Variants in SYN2 observed in about 807,000 individuals in gnomAD.
SYN2 encodes synapsin II.
Under a neutral mutation model 50.9 loss-of-function variants are expected in SYN2, and 19 were observed. The observed-to-expected ratio is 0.37, with a 90% confidence interval of 0.26 to 0.55. The LOEUF (loss-of-function observed/expected upper bound fraction) is 0.55, where lower values mean the gene tolerates loss of function less well. Ranked by LOEUF, SYN2 falls within the 20% of genes least tolerant of loss-of-function variation. SYN2 has a pLI of 0.81. For synonymous variants in SYN2, 255 were observed against 224.9 expected, an observed-to-expected ratio of 1.13 and a Z score of -1.20; for missense variants, 587 against 576.4, an observed-to-expected ratio of 1.02 and a Z score of -0.19.
chr3:12,104,570 C>CTTTTTTTTT lies in SYN2; in HGVS notation c.378-36067_378-36059dup, dbSNP rs796837275. ...ATGTGAAACATTTTTCTTTTCTTTTCTTTTTTTTTTTTTTTTTTTTTTGAG... is the reference window on the plus strand; with the variant it reads ...ATGTGAAACATTTTTCTTTTCTTTTCTTTTTTTTTTTTTTTTTTTTTTTTTTTTTTTGAG... On this transcript the variant is annotated intron_variant, in intron 1 of 12. Coordinates refer to ENST00000621198, the MANE Select transcript of SYN2 (RefSeq NM_133625.6). Among the ~76,000 whole-genome samples the CTTTTTTTTT allele has an allele frequency of 4.5e-4, 37 of 81,720 alleles. 1 individual carries two copies. The highest frequency in any genetic ancestry group is 5.7e-4 in the Non-Finnish European group (27 of 47,454). The allele number at this position is 81,720 out of a possible 152,430, so 53.6% of individuals were successfully genotyped here.
intron 5 of SYN2, among the ~76,000 whole-genome samples, chr3:12,157,227 A>G (rs1697484952): frequency 6.6e-6 from 1 of 152,128 alleles, no homozygotes; most frequent in African/African-American, 2.4e-5. Context: ...CTGGGATTCT[A>G]TGGGCTCTGC....
intron 9 of SYN2, among the ~76,000 whole-genome samples, chr3:12,169,025 A>G (rs1458770825): frequency 6.6e-6 from 1 of 152,162 alleles, no homozygotes; most frequent in African/African-American, 2.4e-5. Context: ...CCTTACTAGG[A>G]GTTGGTGGTA....
At chr3:12,158,792 G>T in intron 5 of SYN2, 1 of 1,603,418 alleles carries the variant, frequency 6.2e-7, no homozygotes, top group Non-Finnish European at 8.5e-7. Context: ...AACGCCAGCA[G>T]CCGCAGCAAC....
chr3:12,142,016 C>G lies in SYN2; in HGVS notation c.527+20C>G, dbSNP rs370255331. On this transcript the variant is annotated intron_variant, in intron 3 of 12. Coordinates refer to ENST00000621198, the MANE Select transcript of SYN2 (RefSeq NM_133625.6). ...TGTCCGGTAAGGGTCTTTCTGTCCT[C>G]AGGATCATTGTGACTGTCTCCAGAG... 1 of 780,392 alleles carries G rather than the reference C, an allele frequency of 1.3e-6. No homozygotes were observed. Among genetic ancestry groups the G allele is most frequent in the Non-Finnish European group, 2.4e-6 (1 of 417,896 alleles). 48.3% of individuals were successfully genotyped at this position (780,392 alleles called of 1,614,324 possible).
At chr3:12,157,330 C>G in intron 5 of SYN2, 1 of 1,552,204 alleles carries the variant, frequency 6.4e-7, no homozygotes, top group South Asian at 1.1e-5. Flanking sequence ...AGAACACAGA[C>G]TCCACTTTCT....
intron 10 of SYN2, among the ~76,000 whole-genome samples, chr3:12,181,530 G>A (rs1381946609): frequency 6.6e-6 from 1 of 152,232 alleles, no homozygotes; most frequent in African/African-American, 2.4e-5. Context: ...GCAACCAGGA[G>A]TGCTGATGAT....
chr3:12,027,528 C>T (rs1574895127), intron 1 of SYN2, among the ~76,000 whole-genome samples: 2 of 152,246 alleles, frequency 1.3e-5, no homozygotes, highest in East Asian at 3.9e-4. Flanking sequence ...TCAGTTGGGG[C>T]TAATGTCAGC....
At chr3:12,051,641 A>G (rs1399863747) in intron 1 of SYN2, among the ~76,000 whole-genome samples, 2 of 152,232 alleles carry the variant, frequency 1.3e-5, no homozygotes, top group South Asian at 2.1e-4. Context: ...CTAAACTTCA[A>G]GTAGATCTCA....
At chr3:12,024,025 C>T (rs1412776862) in intron 1 of SYN2, among the ~76,000 whole-genome samples, 2 of 151,818 alleles carry the variant, frequency 1.3e-5, no homozygotes, top group Admixed American at 6.6e-5. Flanking sequence ...CATACATAAA[C>T]GTGCAGAAAT....
At chr3:12,184,120 T>C (rs1332062092) in intron 11 of SYN2, 1 of 985,972 alleles carries the variant, frequency 1.0e-6, no homozygotes. Flanking sequence ...AGTGATGACA[T>C]GAAATACAAA....
intron 1 of SYN2, among the ~76,000 whole-genome samples, chr3:12,108,847 T>TTG (rs2125194134): frequency 6.6e-6 from 1 of 151,648 alleles, no homozygotes; most frequent in East Asian, 1.9e-4. Context: ...GGAGCCAGTT[T>TTG]TTTTTTTTTT....
intron 1 of SYN2, among the ~76,000 whole-genome samples, chr3:12,060,094 GCTGCTGGAGTCTTAAA>G (rs1695081729): frequency 6.6e-6 from 1 of 152,224 alleles, no homozygotes; most frequent in Non-Finnish European, 1.5e-5. Flanking sequence ...TGGAGCAGAA[GCTGCTGGAGTCTTAAA>G]CTGGTAGGAA....
chr3:12,064,883 A>G (rs1695178473), intron 1 of SYN2, among the ~76,000 whole-genome samples: 1 of 152,150 alleles, frequency 6.6e-6, no homozygotes, highest in Non-Finnish European at 1.5e-5. Context: ...TATACCTGAG[A>G]GGATTTAAAA....
intron 1 of SYN2, among the ~76,000 whole-genome samples, chr3:12,133,479 T>G (rs1696832799): frequency 6.6e-6 from 1 of 152,250 alleles, no homozygotes; most frequent in Admixed American, 6.5e-5. Flanking sequence ...AAGTGTTATG[T>G]CATTTCATTA....
chr3:12,158,917 T>C (rs1697552103), intron 5 of SYN2: 5 of 1,434,380 alleles, frequency 3.5e-6, no homozygotes, highest in Admixed American at 2.7e-5. Context: ...CCCAAGGCCG[T>C]TGTGCCCCTC....
chr3:12,039,523 G>A (rs1694566158), intron 1 of SYN2, among the ~76,000 whole-genome samples: 1 of 146,956 alleles, frequency 6.8e-6, no homozygotes. Context: ...TTCCTATCCT[G>A]CAGATGAGAA....
intron 1 of SYN2, among the ~76,000 whole-genome samples, chr3:12,109,982 G>GT (rs1696278689): frequency 6.6e-6 from 1 of 152,162 alleles, no homozygotes; most frequent in African/African-American, 2.4e-5. Flanking sequence ...GAGCCTGGGA[G>GT]TTTGAGACCA....
In SYN2 at chr3:12,004,970, C is replaced by A. The variant is rs766256323; in HGVS notation, c.377+42C>A. ...GCCGCCCTCGGGGGTCGGGGTCCGC[C>A]GGCAGCCGCAGGCCAGGAGAGGACG... On this transcript the variant is annotated intron_variant, in intron 1 of 12. Coordinates refer to ENST00000621198, the MANE Select transcript of SYN2 (RefSeq NM_133625.6). 1.3e-5 allele frequency: 6 copies of A among 470,542 alleles called. No homozygotes were observed. In the East Asian group the frequency reaches 1.8e-4, roughly 14 times the overall value. The allele number at this position is 470,542 out of a possible 1,614,324, so 29.1% of individuals were successfully genotyped here.
chr3:12,137,331 G>A (rs576896478), intron 1 of SYN2, among the ~76,000 whole-genome samples: 95 of 152,158 alleles, frequency 6.2e-4, no homozygotes, highest in African/African-American at 2.2e-3. Context: ...ACTAAGGGAA[G>A]TAGAGTAGTT....
Sources: allele counts gnomAD v4.1 joint callset (sites outside exome capture counted in the v4.1 genomes callset), GRCh38; gene constraint gnomAD v4.1.1; transcripts MANE v1.5; gene names NCBI Gene and HGNC (gene_info 2026-07-23, HGNC 2026-07-21).